Variants in MLLT10 observed in about 807,000 individuals in gnomAD.
The protein encoded by MLLT10 is MLLT10 histone lysine methyltransferase DOT1L cofactor.
In MLLT10, 30 loss-of-function variants were observed where a neutral mutation model predicts 129.1. The observed-to-expected ratio is 0.23, with a 90% CI of 0.17 to 0.32. The LOEUF is 0.32. Among genes scored for constraint, MLLT10 ranks in the 10% least tolerant of loss-of-function variants. The probability of loss-of-function intolerance (pLI) is 1.00; values close to 1 mark genes in which losing one functional copy is unlikely to be tolerated. For synonymous variants in MLLT10, 490 were observed against 446.4 expected, an observed-to-expected ratio of 1.10 and a Z score of -1.23; for missense variants, 1,119 against 1,268.3, an observed-to-expected ratio of 0.88 and a Z score of 1.79.
At chr10:21,547,909 G>A (rs1035750948) in intron 3 of MLLT10, among the ~76,000 whole-genome samples, 2 of 152,020 alleles carry the variant, frequency 1.3e-5, no homozygotes, top group African/African-American at 4.8e-5. Flanking sequence ...TATTACTCAT[G>A]TTTTTGTTCA....
rs547614034 is a variant in MLLT10, at chr10:21,567,156, G to A, written c.241-19138G>A. Among the ~76,000 whole-genome samples the A allele has an allele frequency of 3.3e-4, 50 of 152,150 alleles. 1 individual carries two copies. Among genetic ancestry groups the A allele is most frequent in the African/African-American group, 1.2e-3 (48 of 41,514 alleles). On this transcript the variant is annotated intron_variant, in intron 3 of 22. Transcript: ENST00000307729. ...CACAAATAACTTTTGATTGAAACCT[G>A]GGCATTTTTGTATTGTCATGAGACT...
chr10:21,624,375 G>A (rs2046204879), intron 8 of MLLT10, among the ~76,000 whole-genome samples: 1 of 152,018 alleles, frequency 6.6e-6, no homozygotes, highest in Non-Finnish European at 1.5e-5. Flanking sequence ...CCAGAATAAG[G>A]GAACTCTGTA....
chr10:21,672,550 C>T (rs536982862), intron 10 of MLLT10, among the ~76,000 whole-genome samples: 13 of 152,188 alleles, frequency 8.5e-5, no homozygotes, highest in Admixed American at 3.3e-4. Flanking sequence ...CATGATCCTC[C>T]CGCTTCGGCC....
rs569138019 is a variant in MLLT10 at position 21,594,056 on chromosome 10, A to T, written c.296-1275A>T. On this transcript the variant is annotated intron_variant, in intron 4 of 22. Transcript: ENST00000307729. Reference sequence around the variant, plus strand: ...GGTGCCTTGGGGGTTGTAATTTAGGATTACCTTCGTCAAATTTCAGTTTGA... The same window carrying T: ...GGTGCCTTGGGGGTTGTAATTTAGGTTTACCTTCGTCAAATTTCAGTTTGA... Among the ~76,000 whole-genome samples, 18 of 148,286 alleles carry T rather than the reference A, an allele frequency of 1.2e-4. No homozygotes were observed. The South Asian group carries it at 3.9e-3, about 32-fold the overall frequency.
At chr10:21,686,129 G>A (rs1000805838) in intron 13 of MLLT10, among the ~76,000 whole-genome samples, 2 of 152,032 alleles carry the variant, frequency 1.3e-5, no homozygotes, top group African/African-American at 2.4e-5. Context: ...GTGAAATAGC[G>A]AAATTAAACT....
intron 8 of MLLT10, among the ~76,000 whole-genome samples, chr10:21,632,243 T>A (rs1446662638): frequency 6.6e-6 from 1 of 152,214 alleles, no homozygotes; most frequent in Admixed American, 6.5e-5. Context: ...ATGTTATGGC[T>A]AACTGAATTG....
intron 13 of MLLT10, among the ~76,000 whole-genome samples, chr10:21,698,126 T>C (rs1385458504): frequency 6.6e-6 from 1 of 152,206 alleles, no homozygotes; most frequent in Non-Finnish European, 1.5e-5. Flanking sequence ...CTAATGATAG[T>C]CACCCTAGCC....
intron 9 of MLLT10, among the ~76,000 whole-genome samples, chr10:21,661,057 G>T (rs1026618462): frequency 1.3e-5 from 2 of 151,664 alleles, no homozygotes; most frequent in African/African-American, 2.4e-5. Context: ...CTTATATGTT[G>T]TTTAGAAGTG....
At chr10:21,561,524 G>T (rs776304220) in intron 3 of MLLT10, among the ~76,000 whole-genome samples, 2 of 152,250 alleles carry the variant, frequency 1.3e-5, no homozygotes, top group Non-Finnish European at 2.9e-5. Flanking sequence ...CTCCCGAAGT[G>T]CTGGGATTAC....
intron 8 of MLLT10, among the ~76,000 whole-genome samples, chr10:21,645,407 T>C (rs1368678081): frequency 6.6e-6 from 1 of 152,230 alleles, no homozygotes; most frequent in Non-Finnish European, 1.5e-5. Flanking sequence ...AAAATTTGTT[T>C]GCTTTATATT....
chr10:21,717,482 T>TTCCTCCTCCTCCTCCTCCTCC (rs766780330), intron 14 of MLLT10, among the ~76,000 whole-genome samples: 1 of 115,374 alleles, frequency 8.7e-6, no homozygotes, highest in African/African-American at 4.1e-5. Context: ...TATTCTTATA[T>TTCCTCCTCCTCCTCCTCCTCC]TCCTCCTCCT....
chr10:21,738,602 A>T, intron 21 of MLLT10: 1 of 1,197,256 alleles, frequency 8.4e-7, no homozygotes, highest in Non-Finnish European at 1.1e-6. Flanking sequence ...TCCGCTCGAC[A>T]CTCTTGCTTG....
intron 3 of MLLT10, among the ~76,000 whole-genome samples, chr10:21,546,285 T>G (rs555068768): frequency 4.1e-4 from 63 of 152,114 alleles, no homozygotes; most frequent in African/African-American, 1.5e-3. Context: ...ACAATGTTGC[T>G]CAGGCTGGTC....
At chr10:21,696,557 A>G (rs2054381394) in intron 13 of MLLT10, among the ~76,000 whole-genome samples, 1 of 152,070 alleles carries the variant, frequency 6.6e-6, no homozygotes, top group Non-Finnish European at 1.5e-5. Flanking sequence ...GATGACCTTT[A>G]TGCACATTTG....
chr10:21,536,194 G>T (rs1217067761), intron 2 of MLLT10, among the ~76,000 whole-genome samples: 1 of 152,208 alleles, frequency 6.6e-6, no homozygotes, highest in Non-Finnish European at 1.5e-5. Flanking sequence ...TCTTGCCTCG[G>T]CCTCCCAAAG....
At chr10:21,566,055 C>T (rs751635984) in intron 3 of MLLT10, among the ~76,000 whole-genome samples, 2 of 140,160 alleles carry the variant, frequency 1.4e-5, no homozygotes, top group Admixed American at 7.8e-5. Flanking sequence ...TGGGTTCAAA[C>T]GATTCTCCTG....
chr10:21,599,514 C>T (rs188006063), intron 5 of MLLT10, among the ~76,000 whole-genome samples: 6 of 152,166 alleles, frequency 3.9e-5, no homozygotes, highest in Admixed American at 2.0e-4. Flanking sequence ...AATTTTTTCC[C>T]CCATATTTAT....
chr10:21,721,040 G>A (rs2057096741), intron 14 of MLLT10, among the ~76,000 whole-genome samples: 1 of 152,060 alleles, frequency 6.6e-6, no homozygotes, highest in Admixed American at 6.6e-5. Flanking sequence ...AAGTATATAC[G>A]AATTAGGAAT....
At chr10:21,639,924 G>A (rs971819747) in intron 8 of MLLT10, among the ~76,000 whole-genome samples, 20 of 151,816 alleles carry the variant, frequency 1.3e-4, no homozygotes, top group Non-Finnish European at 8.8e-5. Context: ...AGGAGGGCAG[G>A]AAAGGTCCGA....
Sources: gnomAD v4.1 joint callset for allele counts (sites outside exome capture counted in the v4.1 genomes callset) on GRCh38, gnomAD v4.1.1 for gene constraint, MANE v1.5 for transcripts, NCBI Gene and HGNC (gene_info 2026-07-23, HGNC 2026-07-21) for gene names.